NEBL: variants seen among roughly 807,000 people sequenced by gnomAD.
The protein encoded by NEBL is nebulette.
NEBL carries 122 observed loss-of-function variants against 140.2 expected under a neutral mutation model. The ratio of observed to expected loss-of-function variants is 0.87; its 90% CI spans 0.75 to 1.01. The LOEUF is 1.01. Ranked by LOEUF, NEBL falls within the 50% of genes least tolerant of loss-of-function variation. NEBL has a pLI of 0.00. For synonymous variants in NEBL, 436 were observed against 398.9 expected (o/e 1.09, Z -1.11); for missense variants, 1,365 against 1,231.3 (o/e 1.11, Z -1.62).
At chr10:21,167,324 T>C (rs756239698) in intron 2 of NEBL, among the ~76,000 whole-genome samples, 2 of 152,242 alleles carry the variant, frequency 1.3e-5, no homozygotes, top group African/African-American at 4.8e-5. Context: ...ACTTCTGTTC[T>C]TTTAGCCCCA....
intron 4 of NEBL, among the ~76,000 whole-genome samples, chr10:20,883,395 A>G (rs554713446): frequency 4.3e-4 from 66 of 152,204 alleles, no homozygotes; most frequent in Non-Finnish European, 8.7e-4. Flanking sequence ...CTCCATCAAG[A>G]TATCTCCCTC....
intron 2 of NEBL, among the ~76,000 whole-genome samples, chr10:21,093,378 G>A (rs1026755786): frequency 6.6e-6 from 1 of 152,072 alleles, no homozygotes; most frequent in Non-Finnish European, 1.5e-5. Flanking sequence ...GGCTGGAGAA[G>A]GGAGACTGTC....
intron 21 of NEBL, 59 bp from the exon 22 acceptor site, chr10:20,815,776 T>C (rs761657392): frequency 1.7e-4 from 198 of 1,187,358 alleles, no homozygotes; most frequent in Non-Finnish European, 2.4e-4. Context: ...AAGAGACTTA[T>C]TTATTTATTT....
chr10:21,084,533 G>A (rs1384402228), intron 2 of NEBL, among the ~76,000 whole-genome samples: 1 of 151,974 alleles, frequency 6.6e-6, no homozygotes, highest in Non-Finnish European at 1.5e-5. Flanking sequence ...GGAGGCAGAG[G>A]TTGCAGTGAG....
At chr10:21,183,473 C>T (rs1187597113) in intron 3 of NEBL, among the ~76,000 whole-genome samples, 1 of 152,016 alleles carries the variant, frequency 6.6e-6, no homozygotes, top group African/African-American at 2.4e-5. Context: ...GGAAAGGGCC[C>T]CATGAATTCA....
intron 2 of NEBL, among the ~76,000 whole-genome samples, chr10:21,133,453 G>A (rs1226672562): frequency 1.3e-5 from 2 of 152,172 alleles, no homozygotes; most frequent in South Asian, 2.1e-4. Context: ...TTGATGAAGA[G>A]CAAGTCCCAA....
chr10:20,893,583 C>T (rs529641555), intron 2 of NEBL, among the ~76,000 whole-genome samples: 15 of 152,162 alleles, frequency 9.9e-5, no homozygotes, highest in Non-Finnish European at 1.9e-4. Context: ...GAAAAACGGA[C>T]ATTTCTCTCT....
intron 2 of NEBL, among the ~76,000 whole-genome samples, chr10:21,022,628 C>G (rs570432745): frequency 6.6e-6 from 1 of 152,248 alleles, no homozygotes; most frequent in East Asian, 1.9e-4. Flanking sequence ...AATTTTCCTG[C>G]CTTCTTAGAG....
chr10:20,858,886 C>T (rs1176524320), intron 8 of NEBL, among the ~76,000 whole-genome samples: 1 of 152,066 alleles, frequency 6.6e-6, no homozygotes, highest in Non-Finnish European at 1.5e-5. Flanking sequence ...TAAGTAGGTA[C>T]TTTAAGTAGC....
intron 1 of NEBL, among the ~76,000 whole-genome samples, chr10:21,269,687 C>A (rs1842838746): frequency 6.6e-6 from 1 of 152,222 alleles, no homozygotes; most frequent in Non-Finnish European, 1.5e-5. Flanking sequence ...GCTGTCCATA[C>A]TGGCTTTTCC....
intron 7 of NEBL, among the ~76,000 whole-genome samples, chr10:20,862,072 G>A (rs1382236253): frequency 6.6e-6 from 1 of 152,064 alleles, no homozygotes; most frequent in Non-Finnish European, 1.5e-5. Context: ...GAAAGTGAAA[G>A]GCAGAATCAT....
chr10:21,029,574 T>C, intron 2 of NEBL: 5 of 1,595,772 alleles, frequency 3.1e-6, no homozygotes, highest in Non-Finnish European at 4.3e-6. Flanking sequence ...ATCGGGATTC[T>C]GACAAAACAG....
intron 4 of NEBL, among the ~76,000 whole-genome samples, chr10:20,917,879 G>A (rs1833384662): frequency 6.6e-6 from 1 of 151,932 alleles, no homozygotes; most frequent in Non-Finnish European, 1.5e-5. Context: ...ATCTGGTTTA[G>A]GTCATTTAAT....
chr10:20,852,994 T>A (rs2131078414), intron 9 of NEBL, among the ~76,000 whole-genome samples: 1 of 152,360 alleles, frequency 6.6e-6, no homozygotes, highest in Non-Finnish European at 1.5e-5. Context: ...AAGCAATTTG[T>A]CTTGCTCTTA....
chr10:20,948,211 T>C (rs1835274516), intron 4 of NEBL, among the ~76,000 whole-genome samples: 1 of 152,194 alleles, frequency 6.6e-6, no homozygotes, highest in Non-Finnish European at 1.5e-5. Flanking sequence ...GAAGCAGAAA[T>C]AATAATGGGA....
At chr10:20,793,013 A>G (rs1836151083) in intron 26 of NEBL, among the ~76,000 whole-genome samples, 1 of 152,168 alleles carries the variant, frequency 6.6e-6, no homozygotes, top group African/African-American at 2.4e-5. Context: ...TGCAATCTAG[A>G]AACAAGATGC....
intron 2 of NEBL, among the ~76,000 whole-genome samples, chr10:21,063,668 C>A (rs1835398138): frequency 6.6e-6 from 1 of 151,974 alleles, no homozygotes; most frequent in South Asian, 2.1e-4. Context: ...CAGAGGCAGG[C>A]AGATCTCTTG....
intron 1 of NEBL, among the ~76,000 whole-genome samples, chr10:21,261,729 G>C (rs563408623): frequency 2.9e-4 from 44 of 152,168 alleles, no homozygotes; most frequent in South Asian, 6.2e-4. Context: ...AAATGATCTT[G>C]ATTCTAGCCT....
intron 4 of NEBL, among the ~76,000 whole-genome samples, chr10:20,944,436 A>G (rs1235185814): frequency 1.3e-5 from 2 of 152,066 alleles, no homozygotes; most frequent in African/African-American, 4.8e-5. Flanking sequence ...AATAAATAAA[A>G]TTAAATATAA....
Sources: allele counts gnomAD v4.1 joint callset (sites outside exome capture counted in the v4.1 genomes callset), GRCh38; gene constraint gnomAD v4.1.1; transcripts MANE v1.5; gene names NCBI Gene and HGNC (gene_info 2026-07-23, HGNC 2026-07-21).